MARCO: variants seen among roughly 807,000 people sequenced by gnomAD.
MARCO encodes macrophage receptor with collagenous structure.
In MARCO, 72 loss-of-function variants were observed where a neutral mutation model predicts 70.0. The observed-to-expected ratio is 1.03, with a 90% CI of 0.85 to 1.25. The LOEUF is 1.25. Among genes scored for constraint, MARCO ranks in the 50% most tolerant of loss-of-function variants. MARCO has a pLI of 0.00. For synonymous variants in MARCO, 273 were observed against 243.1 expected (o/e 1.12, Z -1.14); for missense variants, 696 against 659.3 (o/e 1.06, Z -0.61).
At chr2:118,990,319 G>T (rs991177730) in intron 12 of MARCO, among the ~76,000 whole-genome samples, 7 of 152,174 alleles carry the variant, frequency 4.6e-5, no homozygotes, top group African/African-American at 1.7e-4. Flanking sequence ...TTACCGGGGG[G>T]CAGGGAAGGC....
intron 1 of MARCO, among the ~76,000 whole-genome samples, chr2:118,961,034 C>T (rs1336978456): frequency 6.6e-6 from 1 of 152,136 alleles, no homozygotes; most frequent in African/African-American, 2.4e-5. Flanking sequence ...ATAATGGCTT[C>T]CAGCTCCATC....
At chr2:118,942,535 T>A (rs538194432) in intron 1 of MARCO, 138 bp downstream of exon 1, 1 of 611,230 alleles carries the variant, frequency 1.6e-6, no homozygotes, top group Non-Finnish European at 2.9e-6. Flanking sequence ...ACTAATACTG[T>A]CTGGAGTGCT....
intron 3 of MARCO, 116 bp downstream of exon 3, chr2:118,970,454 G>C: frequency 1.3e-6 from 1 of 749,916 alleles, no homozygotes; most frequent in South Asian, 1.7e-5. Flanking sequence ...CCAAGAGCCA[G>C]GGACTTAGAG....
intron 1 of MARCO, among the ~76,000 whole-genome samples, chr2:118,955,227 A>C (rs111856988): frequency 6.6e-6 from 1 of 151,858 alleles, no homozygotes; most frequent in African/African-American, 2.4e-5. Context: ...AGGGAGAAAT[A>C]CTCAAGAAAA....
At chr2:118,951,351 C>T (rs113339558) in intron 1 of MARCO, among the ~76,000 whole-genome samples, 8,390 of 152,270 alleles carry the variant, frequency 0.055, 361 homozygotes, top group Admixed American at 0.098. Context: ...CAGTGGCTAA[C>T]GTTAAATCAC....
At chr2:118,965,035 T>G (rs1680018777) in intron 1 of MARCO, among the ~76,000 whole-genome samples, 1 of 152,220 alleles carries the variant, frequency 6.6e-6, no homozygotes, top group Non-Finnish European at 1.5e-5. Flanking sequence ...TGATATGGAT[T>G]TCTTTGAGTT....
At chr2:118,970,022 G>T (rs1358077537) in intron 2 of MARCO, 92 bp from the exon 3 acceptor site, 1 of 1,085,918 alleles carries the variant, frequency 9.2e-7, no homozygotes, top group Non-Finnish European at 1.4e-6. Flanking sequence ...CAAATTCAGG[G>T]CCTGTAGAAG....
At chr2:118,976,243 C>T (rs1323143352) in intron 6 of MARCO, among the ~76,000 whole-genome samples, 2 of 152,190 alleles carry the variant, frequency 1.3e-5, no homozygotes, top group African/African-American at 4.8e-5. Flanking sequence ...ACCCCTTTTT[C>T]AGCCCAAATC....
intron 1 of MARCO, among the ~76,000 whole-genome samples, chr2:118,966,580 C>T (rs1402285295): frequency 6.6e-6 from 1 of 152,206 alleles, no homozygotes; most frequent in Non-Finnish European, 1.5e-5. Context: ...CATTCTGGGC[C>T]TGGATGGCTA....
chr2:118,990,569 C>CGGGGGGGGGGGGGGGG lies in MARCO; in HGVS notation c.1064-20_1064-19insGGGGGGGGGGGGGGGG. The CGGGGGGGGGGGGGGGG allele has an allele frequency of 1.4e-6, 2 of 1,415,984 alleles. No homozygotes were observed. Among genetic ancestry groups the CGGGGGGGGGGGGGGGG allele is most frequent in the Non-Finnish European group, 1.9e-6 (2 of 1,028,340 alleles). 87.7% of individuals were successfully genotyped at this position (1,415,984 alleles called of 1,614,324 possible). On this transcript the variant is annotated intron_variant, in intron 12 of 16. Transcript: ENST00000327097. ...AGTTTTATTATCTCCTCCCCCCCCCCTTTTTTGTTTTGATCTTAGGACTTC... is the reference window on the plus strand; with the variant it reads ...AGTTTTATTATCTCCTCCCCCCCCCCGGGGGGGGGGGGGGGGTTTTTTGTTTTGATCTTAGGACTTC...
chr2:118,953,913 G>A (rs1679776716), intron 1 of MARCO, among the ~76,000 whole-genome samples: 1 of 152,174 alleles, frequency 6.6e-6, no homozygotes, highest in African/African-American at 2.4e-5. Context: ...GAAAGGCCCT[G>A]GGAGCTTGCT....
chr2:118,992,280 A>T (rs1432051402), intron 14 of MARCO, 152 bp from the exon 15 acceptor site: 4 of 641,246 alleles, frequency 6.2e-6, no homozygotes, highest in Non-Finnish European at 1.1e-5. Flanking sequence ...CACCCGCAGG[A>T]CATCCCATCC....
intron 12 of MARCO, among the ~76,000 whole-genome samples, chr2:118,985,477 A>G (rs1680468371): frequency 6.6e-6 from 1 of 152,114 alleles, no homozygotes; most frequent in Admixed American, 6.5e-5. Context: ...AAAGAAGACA[A>G]AGAGGAAATT....
At position 118,962,538 on chromosome 2, in the gene MARCO, G is replaced by A. The variant is rs150482545; in HGVS notation, c.98-6622G>A. 1.9e-3 allele frequency among the ~76,000 whole-genome samples: 290 copies of A among 151,796 alleles called. 1 individual carries two copies. Among genetic ancestry groups the A allele is most frequent in the Non-Finnish European group, 3.5e-3 (236 of 67,828 alleles). Reference sequence around the variant, plus strand: ...TGCTTGCCTTTTACTGAAGATTTTTGTGTCAAAGTTCATGAAATAGTTTTG... The same window carrying A: ...TGCTTGCCTTTTACTGAAGATTTTTATGTCAAAGTTCATGAAATAGTTTTG... On this transcript the variant is annotated intron_variant, in intron 1 of 16. Coordinates refer to ENST00000327097, the MANE Select transcript of MARCO (RefSeq NM_006770.4).
At chr2:118,976,541 C>G (rs1338893744) in intron 6 of MARCO, among the ~76,000 whole-genome samples, 1 of 152,126 alleles carries the variant, frequency 6.6e-6, no homozygotes, top group Non-Finnish European at 1.5e-5. Flanking sequence ...TGCCCCTGCC[C>G]CAGGAACACC....
chr2:118,964,595 T>C (rs1318495738), intron 1 of MARCO, among the ~76,000 whole-genome samples: 2 of 152,172 alleles, frequency 1.3e-5, no homozygotes, highest in Non-Finnish European at 2.9e-5. Context: ...GTCATTCAAA[T>C]TGGTATTCCT....
At chr2:118,967,814 C>T (rs1040136105) in intron 1 of MARCO, among the ~76,000 whole-genome samples, 2 of 152,162 alleles carry the variant, frequency 1.3e-5, no homozygotes, top group Admixed American at 1.3e-4. Context: ...CCACCTGCCC[C>T]TATCACAAAA....
intron 2 of MARCO, among the ~76,000 whole-genome samples, chr2:118,969,656 G>A (rs1250139081): frequency 6.6e-6 from 1 of 152,314 alleles, no homozygotes; most frequent in African/African-American, 2.4e-5. Context: ...CAATCTAAAG[G>A]TTAAAGTCAT....
chr2:118,967,538 TG>T (rs759108825), intron 1 of MARCO, among the ~76,000 whole-genome samples: 4 of 152,174 alleles, frequency 2.6e-5, no homozygotes, highest in Middle Eastern at 6.8e-3. Context: ...GCCTGGATTC[TG>T]GGGGGTAGGG....
Sources: gnomAD v4.1 joint callset for allele counts (sites outside exome capture counted in the v4.1 genomes callset) on GRCh38, gnomAD v4.1.1 for gene constraint, MANE v1.5 for transcripts, NCBI Gene and HGNC (gene_info 2026-07-23, HGNC 2026-07-21) for gene names.